The following DIAPH3 variants were observed in gnomAD, a reference collection of about 807,000 sequenced individuals.
DIAPH3 encodes the protein diaphanous related formin 3.
DIAPH3 carries 117 observed loss-of-function variants against 144.3 expected under a neutral mutation model. The observed-to-expected ratio is 0.81, with a 90% CI of 0.70 to 0.95. DIAPH3 has a LOEUF of 0.95. Among genes scored for constraint, DIAPH3 ranks in the 40% least tolerant of loss-of-function variants. The pLI, the probability that DIAPH3 is intolerant of heterozygous loss-of-function variation, is 0.00. For missense variants in DIAPH3, 1,421 were observed against 1,412.7 expected (o/e 1.01, Z -0.09); for synonymous variants, 519 against 488.9 (o/e 1.06, Z -0.81).
chr13:60,047,127 T>TA (rs1173027463), intron 4 of DIAPH3, among the ~76,000 whole-genome samples: 2 of 151,874 alleles, frequency 1.3e-5, no homozygotes, highest in African/African-American at 4.8e-5. Context: ...AGTATTATTT[T>TA]AAAAAAAGAA....
chr13:59,863,728 A>G (rs1262001566), intron 21 of DIAPH3, among the ~76,000 whole-genome samples: 1 of 152,128 alleles, frequency 6.6e-6, no homozygotes, highest in Non-Finnish European at 1.5e-5. Flanking sequence ...ATGAACACTT[A>G]GTCCATGATT....
At chr13:59,716,132 C>G (rs1393684362) in intron 27 of DIAPH3, among the ~76,000 whole-genome samples, 1 of 152,012 alleles carries the variant, frequency 6.6e-6, no homozygotes, top group Non-Finnish European at 1.5e-5. Flanking sequence ...ATGATTCTGC[C>G]TTTCTTACAT....
Position 60,048,074 on chromosome 13 carries a change from C to T in DIAPH3, c.496-5254G>A, listed in dbSNP as rs184023652. Among the ~76,000 whole-genome samples the T allele has an allele frequency of 3.9e-4, 60 of 152,314 alleles. 1 individual carries two copies. The highest frequency in any genetic ancestry group is 6.5e-4 in the Admixed American group (10 of 15,294). ...GGCCCATGGTGAATGCCTGCACATG[C>T]AGTGGATTGCATCATAAGAGAAGAA... On this transcript the variant is annotated intron_variant, in intron 4 of 27. Coordinates refer to ENST00000400324, the MANE Select transcript of DIAPH3 (RefSeq NM_001042517.2).
intron 25 of DIAPH3, among the ~76,000 whole-genome samples, chr13:59,800,001 A>G (rs2039820391): frequency 7.4e-6 from 1 of 135,498 alleles, no homozygotes; most frequent in South Asian, 2.7e-4. Flanking sequence ...TGAGATAAAC[A>G]CTTACTTCAA....
chr13:59,848,085 A>C (rs1330481644), intron 22 of DIAPH3, among the ~76,000 whole-genome samples: 1 of 152,062 alleles, frequency 6.6e-6, no homozygotes, highest in Admixed American at 6.6e-5. Flanking sequence ...AATACTTCTT[A>C]CCACCCTCAC....
At chr13:59,931,892 C>A (rs778068689) in intron 17 of DIAPH3, among the ~76,000 whole-genome samples, 3 of 152,154 alleles carry the variant, frequency 2.0e-5, no homozygotes, top group Non-Finnish European at 1.5e-5. Flanking sequence ...GCTGGACATA[C>A]AGATGTGGAG....
At chr13:59,864,725 C>T (rs975938371) in intron 21 of DIAPH3, among the ~76,000 whole-genome samples, 2 of 151,936 alleles carry the variant, frequency 1.3e-5, no homozygotes, top group African/African-American at 2.4e-5. Context: ...AACACAGATT[C>T]GAGTTATTCA....
intron 27 of DIAPH3, among the ~76,000 whole-genome samples, chr13:59,761,878 C>T (rs778333886): frequency 2.0e-5 from 3 of 151,934 alleles, no homozygotes; most frequent in Admixed American, 6.6e-5. Context: ...GAAGAGATTT[C>T]GGCTTCTGGT....
intron 2 of DIAPH3, among the ~76,000 whole-genome samples, chr13:60,128,707 A>G (rs757165734): frequency 1.2e-4 from 18 of 152,020 alleles, no homozygotes; most frequent in Non-Finnish European, 1.5e-4. Flanking sequence ...GTGCAGGCCA[A>G]TGTTTGGTTT....
rs563863126 is a variant in DIAPH3 at position 59,746,373 on chromosome 13, G to A, written c.3319+27816C>T. ...CGAGTAGCTGAGATTACAGCTGTGCGCCACCATACCCAGCTAATTTTTTTT... is the reference window on the plus strand; with the variant it reads ...CGAGTAGCTGAGATTACAGCTGTGCACCACCATACCCAGCTAATTTTTTTT... On this transcript the variant is annotated intron_variant, in intron 27 of 27. Transcript: ENST00000400324. Among the ~76,000 whole-genome samples the A allele has an allele frequency of 4.9e-4, 73 of 149,934 alleles. No homozygotes were observed. In the East Asian group the frequency reaches 9.6e-3, roughly 20 times the overall value.
At chr13:60,047,575 A>T (rs978623353) in intron 4 of DIAPH3, among the ~76,000 whole-genome samples, 1 of 152,196 alleles carries the variant, frequency 6.6e-6, no homozygotes, top group Non-Finnish European at 1.5e-5. Flanking sequence ...GGGAAGAAGA[A>T]TCTCTTCAAC....
chr13:59,810,852 T>C lies in DIAPH3; in HGVS notation c.3099A>G (p.Glu1033=). ...GTTCGAGTCTTTCTCGCTCTGCTAA[T>C]TCTTTAGCTATTCTGACACGTTTTT... The part of the protein sequence containing the change: ...EKEKRVRIAK[E]LAERERLERQ... Residue 1033 remains glutamate (E), a synonymous_variant, in exon 25 of 28, where the codon GAA becomes GAG. Coordinates refer to ENST00000400324, the MANE Select transcript of DIAPH3 (RefSeq NM_001042517.2). The C allele has an allele frequency of 6.2e-7, 1 of 1,613,614 alleles. No homozygotes were observed. The highest frequency in any genetic ancestry group is 8.5e-7 in the Non-Finnish European group (1 of 1,179,888).
At chr13:60,121,476 G>C (rs1245219728) in intron 2 of DIAPH3, among the ~76,000 whole-genome samples, 1 of 152,134 alleles carries the variant, frequency 6.6e-6, no homozygotes, top group Non-Finnish European at 1.5e-5. Context: ...GGAGGGACTA[G>C]AAGACCTACA....
At chr13:59,999,324 T>C (rs1238604368) in intron 9 of DIAPH3, among the ~76,000 whole-genome samples, 1 of 152,194 alleles carries the variant, frequency 6.6e-6, no homozygotes, top group Non-Finnish European at 1.5e-5. Context: ...TCCTTTTTAA[T>C]TTATAAAAAT....
chr13:60,105,733 T>C (rs1433312268), intron 3 of DIAPH3, among the ~76,000 whole-genome samples: 1 of 152,194 alleles, frequency 6.6e-6, no homozygotes, highest in Non-Finnish European at 1.5e-5. Context: ...ATACACTTTT[T>C]TAGATTGTAA....
intron 9 of DIAPH3, among the ~76,000 whole-genome samples, 170 bp downstream of exon 9, chr13:60,008,374 C>G (rs1231159323): frequency 6.6e-6 from 1 of 151,692 alleles, no homozygotes; most frequent in Non-Finnish European, 1.5e-5. Context: ...CCAGCCTGGG[C>G]GACAAAGCAA....
Position 60,093,179 on chromosome 13 carries a change from A to G in DIAPH3, c.495+449T>C, listed in dbSNP as rs553722574. Among the ~76,000 whole-genome samples the G allele has an allele frequency of 1.2e-4, 19 of 152,326 alleles. No homozygotes were observed. The South Asian group carries it at 3.9e-3, about 32-fold the overall frequency. ...ATGTAGAGGCCTAATGCTCCTTTCAATACCAACATTTATAATTTGTTACAA... is the reference window on the plus strand; with the variant it reads ...ATGTAGAGGCCTAATGCTCCTTTCAGTACCAACATTTATAATTTGTTACAA... On this transcript the variant is annotated intron_variant, in intron 4 of 27. Transcript: ENST00000400324.
At chr13:59,978,266 G>A (rs1377787361) in intron 14 of DIAPH3, among the ~76,000 whole-genome samples, 2 of 151,586 alleles carry the variant, frequency 1.3e-5, no homozygotes, top group African/African-American at 4.8e-5. Flanking sequence ...TCCTTTATAT[G>A]TTGAATGACT....
At chr13:59,677,866 G>T (rs2032729225) in intron 27 of DIAPH3, among the ~76,000 whole-genome samples, 1 of 152,070 alleles carries the variant, frequency 6.6e-6, no homozygotes, top group Non-Finnish European at 1.5e-5. Context: ...AATAGACAAA[G>T]GCTAAAGATT....
Sources: gnomAD v4.1 joint callset for allele counts (sites outside exome capture counted in the v4.1 genomes callset) on GRCh38, gnomAD v4.1.1 for gene constraint, MANE v1.5 for transcripts, NCBI Gene and HGNC (gene_info 2026-07-23, HGNC 2026-07-21) for gene names.